The following ARHGAP10 variants were observed in gnomAD, a reference collection of about 807,000 sequenced individuals.
ARHGAP10 encodes rho GTPase-activating protein 10.
Under a neutral mutation model 108.6 loss-of-function variants are expected in ARHGAP10, and 87 were observed. The ratio of observed to expected loss-of-function variants is 0.80; its 90% CI spans 0.67 to 0.96. The LOEUF is 0.96. Ranked by LOEUF, ARHGAP10 falls within the 40% of genes least tolerant of loss-of-function variation. The pLI is 0.00. For synonymous variants in ARHGAP10, 347 were observed against 341.1 expected, an observed-to-expected ratio of 1.02 and a Z score of -0.19; for missense variants, 939 against 954.5, an observed-to-expected ratio of 0.98 and a Z score of 0.21.
At chr4:147,868,874 G>A (rs1320003023) in intron 7 of ARHGAP10, among the ~76,000 whole-genome samples, 5 of 152,124 alleles carry the variant, frequency 3.3e-5, no homozygotes, top group African/African-American at 1.2e-4. Context: ...CTCACCTCCT[G>A]CCATGTGACC....
chr4:147,939,703 T>G (rs1418975936), intron 13 of ARHGAP10, 122 bp from the exon 14 acceptor site: 3 of 865,562 alleles, frequency 3.5e-6, no homozygotes, highest in Non-Finnish European at 5.8e-6. Flanking sequence ...TTTCAAAGGT[T>G]ATTTTTATAG....
rs1739217127 is a variant in ARHGAP10, at chr4:147,966,732, G to C, written c.1609G>C (p.Val537Leu). ...GATGACTGTGGCAAACTTAGGAGTG[G>C]TGTTTGGACCAACTCTGATGAGGCC... ...NLMTVANLGV[V>L]FGPTLMRPQE... The change falls in exon 18 of 23, where the codon GTG becomes CTG. Residue 537 changes from valine (V) to leucine (L), a missense_variant. Coordinates refer to ENST00000336498, the MANE Select transcript of ARHGAP10 (RefSeq NM_024605.4). 6.3e-7 allele frequency: 1 copy of C among 1,599,786 alleles called. No individual in the cohort carries two copies. Among genetic ancestry groups the C allele is most frequent in the Non-Finnish European group, 8.5e-7 (1 of 1,170,332 alleles).
At chr4:148,029,439 T>C (rs1018058496) in intron 19 of ARHGAP10, among the ~76,000 whole-genome samples, 1 of 152,226 alleles carries the variant, frequency 6.6e-6, no homozygotes, top group African/African-American at 2.4e-5. Flanking sequence ...GAATTGTAAC[T>C]ACTCTGTCTT....
intron 1 of ARHGAP10, among the ~76,000 whole-genome samples, chr4:147,791,996 G>T (rs552912280): frequency 1.3e-5 from 2 of 152,164 alleles, no homozygotes; most frequent in East Asian, 3.8e-4. Flanking sequence ...GTCTCCTGAC[G>T]CGTGTATGAT....
intron 3 of ARHGAP10, among the ~76,000 whole-genome samples, chr4:147,832,084 C>T (rs893022): frequency 0.72 from 109,769 of 151,962 alleles, 44,899 homozygotes; most frequent in Non-Finnish European, 0.91. Flanking sequence ...GACTGCCCCG[C>T]CCGACATACA....
chr4:147,817,919 C>T (rs1732321234), intron 1 of ARHGAP10, among the ~76,000 whole-genome samples: 2 of 152,170 alleles, frequency 1.3e-5, no homozygotes, highest in Admixed American at 1.3e-4. Context: ...TGCAATTCTG[C>T]ACTAGAGTCA....
intron 20 of ARHGAP10, among the ~76,000 whole-genome samples, chr4:148,047,721 T>C (rs1298978597): frequency 2.0e-5 from 3 of 152,206 alleles, no homozygotes; most frequent in African/African-American, 4.8e-5. Flanking sequence ...TTCAAACAAG[T>C]GCTCAGAGAA....
intron 3 of ARHGAP10, among the ~76,000 whole-genome samples, chr4:147,835,669 T>C (rs1266547598): frequency 1.3e-5 from 2 of 152,238 alleles, no homozygotes; most frequent in African/African-American, 4.8e-5. Flanking sequence ...CCACTGCGCC[T>C]GGCCTATTTT....
chr4:147,950,266 T>TC (rs1358951393), intron 15 of ARHGAP10, among the ~76,000 whole-genome samples: 4 of 152,186 alleles, frequency 2.6e-5, no homozygotes, highest in South Asian at 2.1e-4. Flanking sequence ...CCCTTTTTTT[T>TC]CTCTAAATTT....
At chr4:147,896,843 C>G (rs543474115) in intron 10 of ARHGAP10, among the ~76,000 whole-genome samples, 1 of 151,944 alleles carries the variant, frequency 6.6e-6, no homozygotes, top group Non-Finnish European at 1.5e-5. Flanking sequence ...GGCTATAGAT[C>G]GAAAACGTGA....
intron 1 of ARHGAP10, among the ~76,000 whole-genome samples, chr4:147,737,026 A>G (rs1358889930): frequency 1.3e-5 from 2 of 152,124 alleles, no homozygotes; most frequent in South Asian, 2.1e-4. Context: ...TGGGTTCTTG[A>G]TGCTGTTGGG....
chr4:147,872,614 C>A (rs779353018), intron 7 of ARHGAP10, among the ~76,000 whole-genome samples: 1 of 152,148 alleles, frequency 6.6e-6, no homozygotes, highest in Non-Finnish European at 1.5e-5. Flanking sequence ...AGAAGCCTCA[C>A]CCATAACAGA....
At chr4:147,788,868 C>T (rs999916608) in intron 1 of ARHGAP10, among the ~76,000 whole-genome samples, 1 of 152,186 alleles carries the variant, frequency 6.6e-6, no homozygotes, top group Non-Finnish European at 1.5e-5. Context: ...ACAAGCTGTA[C>T]AGCAACATCT....
At chr4:147,775,451 C>T (rs1730247386) in intron 1 of ARHGAP10, among the ~76,000 whole-genome samples, 1 of 152,172 alleles carries the variant, frequency 6.6e-6, no homozygotes, top group Non-Finnish European at 1.5e-5. Context: ...GCTTCAGGGG[C>T]CAGTGACAGT....
chr4:147,786,884 T>A (rs1215230727), intron 1 of ARHGAP10, among the ~76,000 whole-genome samples: 2 of 152,240 alleles, frequency 1.3e-5, no homozygotes, highest in African/African-American at 4.8e-5. Flanking sequence ...TTCTCTGCTG[T>A]CCTCACTCTT....
At chr4:147,948,338 T>C (rs1006104288) in intron 15 of ARHGAP10, among the ~76,000 whole-genome samples, 2 of 152,246 alleles carry the variant, frequency 1.3e-5, no homozygotes, top group Non-Finnish European at 2.9e-5. Flanking sequence ...ATAATTATTA[T>C]GCACAACAAA....
intron 18 of ARHGAP10, among the ~76,000 whole-genome samples, chr4:147,989,553 A>G (rs1740186017): frequency 6.6e-6 from 1 of 152,144 alleles, no homozygotes; most frequent in Non-Finnish European, 1.5e-5. Context: ...TTTCTCAGGG[A>G]CGTTCCATGC....
At position 147,946,613 on chromosome 4, in the gene ARHGAP10, C is replaced by A. The variant is rs143008821; in HGVS notation, c.1304-4C>A. ...TATTTTTTTCTTGTTTGCTTGCTCA[C>A]TAGATGTAAAAACATGCAATGAGGT... On this transcript the variant is annotated splice_region_variant and splice_polypyrimidine_tract_variant and intron_variant, in intron 14 of 22. Transcript: ENST00000336498. 173 of 1,610,524 alleles carry A rather than the reference C, an allele frequency of 1.1e-4. 1 individual carries two copies. The East Asian group carries it at 3.6e-3, about 33-fold the overall frequency.
chr4:147,933,193 C>T (rs1560832752), intron 13 of ARHGAP10, among the ~76,000 whole-genome samples: 1 of 152,098 alleles, frequency 6.6e-6, no homozygotes, highest in Non-Finnish European at 1.5e-5. Context: ...TAGGTGAGGC[C>T]ATATTTCCCT....
Sources: gnomAD v4.1 joint callset for allele counts (sites outside exome capture counted in the v4.1 genomes callset) on GRCh38, gnomAD v4.1.1 for gene constraint, MANE v1.5 for transcripts, NCBI Gene and HGNC (gene_info 2026-07-23, HGNC 2026-07-21) for gene names.